SGCD: variants seen among roughly 807,000 people sequenced by gnomAD.
The protein encoded by SGCD is delta-sarcoglycan.
Under a neutral mutation model 36.6 loss-of-function variants are expected in SGCD, and 18 were observed. That is an observed-to-expected ratio of 0.49 (90% CI 0.34 to 0.73). The LOEUF is 0.73. Ranked by LOEUF, SGCD falls within the 30% of genes least tolerant of loss-of-function variation. SGCD has a pLI of 0.01. For missense variants in SGCD, 387 were observed against 346.7 expected, an observed-to-expected ratio of 1.12 and a Z score of -0.92; for synonymous variants, 133 against 130.6, an observed-to-expected ratio of 1.02 and a Z score of -0.12.
chr5:156,527,885 A>G (rs1757709733), intron 4 of SGCD, among the ~76,000 whole-genome samples: 1 of 152,166 alleles, frequency 6.6e-6, no homozygotes, highest in African/African-American at 2.4e-5. Context: ...ACTGGATCAA[A>G]AAATAGCCTC....
At chr5:156,238,136 G>A (rs186852598) in intron 3 of SGCD, among the ~76,000 whole-genome samples, 1 of 152,054 alleles carries the variant, frequency 6.6e-6, no homozygotes, top group East Asian at 1.9e-4. Flanking sequence ...GTAGATACTA[G>A]GTCTTTCTGT....
At chr5:156,177,839 G>T (rs944303594) in intron 3 of SGCD, among the ~76,000 whole-genome samples, 3 of 152,178 alleles carry the variant, frequency 2.0e-5, no homozygotes, top group African/African-American at 7.2e-5. Flanking sequence ...TGTTTAATGG[G>T]CGGCATTGAC....
In SGCD at chr5:156,548,843, G is replaced by A. The variant is rs79044511; in HGVS notation, c.294+40141G>A. ...AGGAGAGCTCTGGAAGCACAGGGCC[G>A]GTCTCTGATCCTGCGGGAAGAGATG... On this transcript the variant is annotated intron_variant, in intron 4 of 8. Coordinates refer to ENST00000337851, the MANE Select transcript of SGCD (RefSeq NM_000337.6). Among the ~76,000 whole-genome samples, 298 of 152,210 alleles carry A rather than the reference G, an allele frequency of 2.0e-3. 2 individuals carry two copies. Among genetic ancestry groups the A allele is most frequent in the African/African-American group, 6.9e-3 (286 of 41,528 alleles).
intron 1 of SGCD, among the ~76,000 whole-genome samples, chr5:156,012,264 A>G (rs1206569423): frequency 6.6e-6 from 1 of 152,226 alleles, no homozygotes; most frequent in Admixed American, 6.5e-5. Context: ...CAAAAATGCC[A>G]CTTAAATGTT....
At chr5:155,789,478 A>G in the SGCD span, among the ~76,000 whole-genome samples, 1 of 152,142 alleles carries the variant, frequency 6.6e-6, no homozygotes, top group Non-Finnish European at 1.5e-5. Context: ...ACTTTCATAT[A>G]CATAATTTGA....
intron 1 of SGCD, among the ~76,000 whole-genome samples, chr5:156,035,362 T>G (rs1048910622): frequency 6.6e-6 from 1 of 152,144 alleles, no homozygotes; most frequent in East Asian, 1.9e-4. Context: ...TAACCAGCAC[T>G]TTGGAGGCTG....
At chr5:155,753,138 C>A in the SGCD span, among the ~76,000 whole-genome samples, 1 of 151,984 alleles carries the variant, frequency 6.6e-6, no homozygotes, top group Non-Finnish European at 1.5e-5. Context: ...GAGATCAAGA[C>A]CATCCTGTCC....
At chr5:156,752,534 A>C (rs1757184761) in intron 7 of SGCD, among the ~76,000 whole-genome samples, 1 of 152,076 alleles carries the variant, frequency 6.6e-6, no homozygotes, top group African/African-American at 2.4e-5. Context: ...CTGGGATTAC[A>C]GGCACCTGCC....
intron 3 of SGCD, among the ~76,000 whole-genome samples, chr5:156,159,838 C>T (rs949753001): frequency 2.0e-5 from 3 of 151,394 alleles, no homozygotes; most frequent in South Asian, 2.1e-4. Flanking sequence ...ATTATTCCAA[C>T]GTAATTTTAA....
intron 3 of SGCD, among the ~76,000 whole-genome samples, chr5:156,182,080 T>TCAATAA (rs1763623055): frequency 6.6e-6 from 1 of 152,208 alleles, no homozygotes; most frequent in Non-Finnish European, 1.5e-5. Flanking sequence ...GTTAACATTG[T>TCAATAA]CAGATTCAAT....
chr5:156,284,573 ATATCAT>A (rs1194031158), intron 3 of SGCD, among the ~76,000 whole-genome samples: 38 of 152,204 alleles, frequency 2.5e-4, no homozygotes, highest in Non-Finnish European at 5.1e-4. Context: ...GACAAAAACC[ATATCAT>A]TATCTCAATA....
chr5:156,367,942 T>G (rs1390697933), intron 3 of SGCD, among the ~76,000 whole-genome samples: 1 of 152,246 alleles, frequency 6.6e-6, no homozygotes, highest in Non-Finnish European at 1.5e-5. Flanking sequence ...TAGAAACTAT[T>G]TGTTCATAGT....
At chr5:155,864,436 G>A in the SGCD span, among the ~76,000 whole-genome samples, 1 of 152,128 alleles carries the variant, frequency 6.6e-6, no homozygotes, top group Admixed American at 6.5e-5. Flanking sequence ...GAGGCGGGGA[G>A]GTTGTTTAGG....
chr5:156,268,658 C>T (rs1476841566), intron 3 of SGCD, among the ~76,000 whole-genome samples: 1 of 151,996 alleles, frequency 6.6e-6, no homozygotes, highest in African/African-American at 2.4e-5. Flanking sequence ...AATGGTGCAA[C>T]CTCGGCTCAC....
chr5:156,568,903 T>C (rs2113279782), intron 4 of SGCD, among the ~76,000 whole-genome samples: 1 of 152,386 alleles, frequency 6.6e-6, no homozygotes, highest in Middle Eastern at 3.4e-3. Flanking sequence ...TCATATCACG[T>C]ACTGTAATAG....
At chr5:156,031,719 T>G (rs1428619698) in intron 1 of SGCD, among the ~76,000 whole-genome samples, 1 of 152,190 alleles carries the variant, frequency 6.6e-6, no homozygotes, top group African/African-American at 2.4e-5. Context: ...TTACCTAGTT[T>G]AAAGTTCAGC....
At chr5:156,085,264 G>A (rs1761064920) in intron 1 of SGCD, among the ~76,000 whole-genome samples, 1 of 152,132 alleles carries the variant, frequency 6.6e-6, no homozygotes, top group South Asian at 2.1e-4. Context: ...TAAATCTCAT[G>A]TTGAACTGTA....
intron 1 of SGCD, among the ~76,000 whole-genome samples, chr5:156,005,899 A>G (rs568720367): frequency 6.6e-6 from 1 of 152,346 alleles, no homozygotes; most frequent in African/African-American, 2.4e-5. Context: ...CGATGGCACA[A>G]GCAGTGTTTT....
chr5:156,742,361 A>G (rs1756725457), intron 7 of SGCD, among the ~76,000 whole-genome samples: 1 of 152,072 alleles, frequency 6.6e-6, no homozygotes, highest in Non-Finnish European at 1.5e-5. Flanking sequence ...ATGATGTTCT[A>G]TCCACTATCC....
Sources: allele counts gnomAD v4.1 joint callset (sites outside exome capture counted in the v4.1 genomes callset), GRCh38; gene constraint gnomAD v4.1.1; transcripts MANE v1.5; gene names NCBI Gene and HGNC (gene_info 2026-07-23, HGNC 2026-07-21).